Variants in KSR2 observed in about 807,000 individuals in gnomAD.
KSR2 encodes the protein kinase suppressor of ras 2.
KSR2 carries 25 observed loss-of-function variants against 107.8 expected under a neutral mutation model. The observed-to-expected ratio is 0.23, with a 90% confidence interval of 0.17 to 0.32. KSR2 has a LOEUF of 0.32. KSR2 is among the 10% of genes least tolerant of loss of function. KSR2 has a pLI of 1.00. For synonymous variants in KSR2, 480 were observed against 507.0 expected, an observed-to-expected ratio of 0.95 and a Z score of 0.71; for missense variants, 887 against 1,268.9, an observed-to-expected ratio of 0.70 and a Z score of 4.57.
At position 117,656,941 on chromosome 12, in the gene KSR2, G is replaced by GATAT. The variant is rs71099068; in HGVS notation, c.1171+10529_1171+10532dup. On this transcript the variant is annotated intron_variant, in intron 5 of 19. Coordinates refer to ENST00000339824, the MANE Select transcript of KSR2 (RefSeq NM_173598.6). ...GTGTGTGTATACATATATATAATAG[G>GATAT]ATATATATATATATATAATAGGATA... Among the ~76,000 whole-genome samples the GATAT allele has an allele frequency of 7.0e-3, 711 of 102,034 alleles. 23 individuals are homozygous for GATAT. The highest frequency in any genetic ancestry group is 0.02 in the East Asian group (50 of 2,502). The allele number at this position is 102,034 out of a possible 152,430, so 66.9% of individuals were successfully genotyped here.
intron 3 of KSR2, among the ~76,000 whole-genome samples, chr12:117,801,310 G>A (rs1890825053): frequency 1.4e-5 from 2 of 143,702 alleles, no homozygotes; most frequent in African/African-American, 5.3e-5. Flanking sequence ...TGTATTTTTA[G>A]TAGAGACGAG....
Position 117,544,744 on chromosome 12 carries a change from T to C in KSR2, c.1519-4857A>G, listed in dbSNP as rs117505306. On this transcript the variant is annotated intron_variant, in intron 9 of 19. Coordinates refer to ENST00000339824, the MANE Select transcript of KSR2 (RefSeq NM_173598.6). ...ATTCTTTGGGATTTTTGTATTTTCTTTGGGATTCTCTACATGGATGATGTC... is the reference window on the plus strand; with the variant it reads ...ATTCTTTGGGATTTTTGTATTTTCTCTGGGATTCTCTACATGGATGATGTC... Among the ~76,000 whole-genome samples, 9 of 152,354 alleles carry C rather than the reference T, an allele frequency of 5.9e-5. No individual in the cohort carries two copies. The East Asian group carries it at 1.7e-3, about 29-fold the overall frequency.
chr12:117,530,168 T>C (rs1293765762), intron 12 of KSR2, among the ~76,000 whole-genome samples: 2 of 152,192 alleles, frequency 1.3e-5, no homozygotes, highest in Non-Finnish European at 2.9e-5. Flanking sequence ...AAAATATAAA[T>C]GGAAAGAACA....
At chr12:117,780,606 A>G (rs1310780076) in intron 3 of KSR2, among the ~76,000 whole-genome samples, 1 of 152,198 alleles carries the variant, frequency 6.6e-6, no homozygotes, top group Non-Finnish European at 1.5e-5. Context: ...AAAAGCTCTG[A>G]AGATGGATGG....
chr12:117,838,313 G>A (rs1486411983), intron 3 of KSR2, among the ~76,000 whole-genome samples: 3 of 152,228 alleles, frequency 2.0e-5, no homozygotes, highest in South Asian at 2.1e-4. Context: ...GATTACAGGC[G>A]CACACCACCA....
At chr12:117,519,186 T>G (rs946158697) in intron 14 of KSR2, among the ~76,000 whole-genome samples, 1 of 152,172 alleles carries the variant, frequency 6.6e-6, no homozygotes, top group African/African-American at 2.4e-5. Context: ...CAGGTGCTGA[T>G]ATTGGGTCAT....
intron 16 of KSR2, among the ~76,000 whole-genome samples, chr12:117,480,364 A>C (rs1019277545): frequency 6.6e-6 from 1 of 152,146 alleles, no homozygotes; most frequent in Non-Finnish European, 1.5e-5. Context: ...GCCTGGCACT[A>C]ACACCCTGGG....
chr12:117,891,479 G>A (rs1371678012), intron 1 of KSR2, among the ~76,000 whole-genome samples: 2 of 151,434 alleles, frequency 1.3e-5, no homozygotes, highest in African/African-American at 4.9e-5. Context: ...ACTCATGCCT[G>A]TAAATCCCAG....
chr12:117,453,015 A>C lies in KSR2; in HGVS notation c.*14184T>G, dbSNP rs1232473148. 6.6e-6 allele frequency: 1 copy of C among 152,644 alleles called. No homozygotes were observed. Among genetic ancestry groups the C allele is most frequent in the Non-Finnish European group, 1.5e-5 (1 of 68,048 alleles). The allele number at this position is 152,644 out of a possible 1,614,324, so 9.5% of individuals were successfully genotyped here. A position where few individuals can be genotyped will look rare whatever the true frequency, so the allele number is the denominator to read the frequency against. On this transcript the variant is annotated 3_prime_UTR_variant, in exon 20 of 20. Transcript: ENST00000339824. ...AGCTTCTTTCTGTACAACAGACAAC[A>C]ATAGAATTCAGACCTGTCTTGGCAG...
intron 9 of KSR2, among the ~76,000 whole-genome samples, chr12:117,547,515 C>T (rs1227650137): frequency 1.3e-5 from 2 of 152,052 alleles, no homozygotes; most frequent in Non-Finnish European, 1.5e-5. Context: ...TCTCTAACAC[C>T]AGCCTGGCAG....
chr12:117,817,148 T>C (rs1197753699), intron 3 of KSR2, among the ~76,000 whole-genome samples: 3 of 152,176 alleles, frequency 2.0e-5, no homozygotes, highest in East Asian at 1.9e-4. Context: ...CTTCAACTCT[T>C]ATTCATGAAA....
At chr12:117,870,286 C>A (rs539313570) in intron 1 of KSR2, among the ~76,000 whole-genome samples, 1 of 152,314 alleles carries the variant, frequency 6.6e-6, no homozygotes, top group East Asian at 1.9e-4. Context: ...CCTTTCCTCG[C>A]AGGCCTGCTG....
At chr12:117,704,594 C>T (rs1353839011) in intron 4 of KSR2, among the ~76,000 whole-genome samples, 2 of 152,114 alleles carry the variant, frequency 1.3e-5, no homozygotes, top group Non-Finnish European at 2.9e-5. Flanking sequence ...TGCGGTGGCT[C>T]ACAGCTGTAA....
chr12:117,949,722 G>A (rs902217101), intron 1 of KSR2, among the ~76,000 whole-genome samples: 1 of 152,186 alleles, frequency 6.6e-6, no homozygotes, highest in African/African-American at 2.4e-5. Context: ...ATCTATGGTG[G>A]AAAAAGAATC....
intron 3 of KSR2, among the ~76,000 whole-genome samples, chr12:117,765,145 G>C (rs1889181235): frequency 6.6e-6 from 1 of 152,240 alleles, no homozygotes; most frequent in South Asian, 2.1e-4. Flanking sequence ...ATCAAGTTAA[G>C]ACAAGTTTCT....
intron 4 of KSR2, among the ~76,000 whole-genome samples, chr12:117,685,918 C>T (rs1266728665): frequency 1.3e-5 from 2 of 152,204 alleles, no homozygotes; most frequent in Non-Finnish European, 2.9e-5. Flanking sequence ...CAAAGATTTG[C>T]GGAAGGTCCC....
chr12:117,870,812 G>A (rs1020352370), intron 1 of KSR2, among the ~76,000 whole-genome samples: 2 of 152,154 alleles, frequency 1.3e-5, no homozygotes, highest in Non-Finnish European at 2.9e-5. Flanking sequence ...AGCAGATGGA[G>A]TAAAGGAGAC....
At chr12:117,491,626 T>C (rs983029148) in intron 14 of KSR2, among the ~76,000 whole-genome samples, 2 of 152,240 alleles carry the variant, frequency 1.3e-5, no homozygotes, top group African/African-American at 2.4e-5. Flanking sequence ...TCTTGATCCA[T>C]TCATCTGTTG....
chr12:117,750,950 T>C (rs505446), intron 4 of KSR2, among the ~76,000 whole-genome samples: 41,620 of 152,122 alleles, frequency 0.27, 5,820 homozygotes, highest in East Asian at 0.41. Flanking sequence ...GTATTGTGAA[T>C]AGTGCTGCAA....
Sources: allele counts gnomAD v4.1 joint callset (sites outside exome capture counted in the v4.1 genomes callset), GRCh38; gene constraint gnomAD v4.1.1; transcripts MANE v1.5; gene names NCBI Gene and HGNC (gene_info 2026-07-23, HGNC 2026-07-21).